The following SIRT4 variants were observed in gnomAD, a reference collection of about 807,000 sequenced individuals.
The protein encoded by SIRT4 is NAD-dependent protein lipoamidase sirtuin-4, mitochondrial.
A neutral mutation model predicts 26.1 loss-of-function variants in SIRT4; 23 were observed. The ratio of observed to expected loss-of-function variants is 0.88; its 90% CI spans 0.63 to 1.25. The LOEUF (loss-of-function observed/expected upper bound fraction) is 1.25, where lower values mean the gene tolerates loss of function less well. SIRT4 is among the 50% of genes most tolerant of loss of function. The pLI is 0.00. For synonymous variants in SIRT4, 155 were observed against 158.4 expected, an observed-to-expected ratio of 0.98 and a Z score of 0.16; for missense variants, 361 against 405.4, an observed-to-expected ratio of 0.89 and a Z score of 0.94.
the SIRT4 span, among the ~76,000 whole-genome samples, chr12:120,294,503 C>T: frequency 2.0e-5 from 3 of 151,966 alleles, no homozygotes; most frequent in Admixed American, 6.6e-5. Flanking sequence ...GTGATCCACC[C>T]GCCTTGGTTT....
intron 1 of SIRT4, 40 bp from the exon 2 acceptor site, chr12:120,303,521 A>C (rs1311937602): frequency 6.5e-7 from 1 of 1,542,024 alleles, no homozygotes; most frequent in Non-Finnish European, 8.7e-7. Flanking sequence ...AAAAAAAAAA[A>C]ACCACCCCAG....
chr12:120,295,276 G>A, the SIRT4 span, among the ~76,000 whole-genome samples: 1 of 145,036 alleles, frequency 6.9e-6, no homozygotes, highest in South Asian at 2.2e-4. Context: ...CTGCAAAGGC[G>A]CAATCTCAGC....
chr12:120,308,120 G>C (rs1434993106), intron 2 of SIRT4, among the ~76,000 whole-genome samples: 1 of 149,098 alleles, frequency 6.7e-6, no homozygotes, highest in African/African-American at 2.5e-5. Context: ...ATCTTCCAAA[G>C]TGTTGGGATT....
chr12:120,298,196 CAA>C (rs56752571), upstream of SIRT4, among the ~76,000 whole-genome samples: 39 of 21,072 alleles, frequency 1.9e-3, no homozygotes, highest in African/African-American at 5.2e-3. Context: ...AACTCCATCT[CAA>C]AAAAAAAAAA....
At chr12:120,300,807 C>T (rs756574298), upstream of SIRT4, among the ~76,000 whole-genome samples, 1 of 152,210 alleles carries the variant, frequency 6.6e-6, no homozygotes, top group Non-Finnish European at 1.5e-5. Flanking sequence ...CCCTGCTGGC[C>T]GCCCACCTTT....
chr12:120,296,497 GTTTTGTGTTTTTTT>G, the SIRT4 span, among the ~76,000 whole-genome samples: 1,596 of 141,202 alleles, frequency 0.011, 26 homozygotes, highest in African/African-American at 0.038. Flanking sequence ...TTTCTAACTT[GTTTTGTGTTTTTTT>G]TTTTGTTTTT....
chr12:120,300,118 C>T (rs186636887), upstream of SIRT4, among the ~76,000 whole-genome samples: 23 of 151,912 alleles, frequency 1.5e-4, 1 homozygote, highest in Admixed American at 1.4e-3. Context: ...GACCGTGTCT[C>T]GACAAAAATA....
At chr12:120,301,024 A>G (rs1471307261), upstream of SIRT4, among the ~76,000 whole-genome samples, 1 of 152,198 alleles carries the variant, frequency 6.6e-6, no homozygotes, top group Non-Finnish European at 1.5e-5. Flanking sequence ...GTCCAGGTAT[A>G]ATATATTTGG....
At chr12:120,297,892 G>A (rs1488287225), upstream of SIRT4, among the ~76,000 whole-genome samples, 1 of 152,024 alleles carries the variant, frequency 6.6e-6, no homozygotes, top group Non-Finnish European at 1.5e-5. Flanking sequence ...AATTTTGGGG[G>A]GGATTATAAT....
the SIRT4 span, among the ~76,000 whole-genome samples, chr12:120,294,970 AC>A: frequency 2.0e-4 from 30 of 150,584 alleles, no homozygotes; most frequent in Admixed American, 5.3e-4. Flanking sequence ...AACTGGGATT[AC>A]AGGTGCGTGC....
intron 2 of SIRT4, among the ~76,000 whole-genome samples, chr12:120,304,802 T>TA (rs1872674628): frequency 1.0e-4 from 4 of 38,238 alleles, no homozygotes; most frequent in Non-Finnish European, 2.0e-4. Flanking sequence ...TAAAGTAAAT[T>TA]TTATATATAT....
At position 120,312,623 on chromosome 12, in the gene SIRT4, A is replaced by G. The variant is rs774389481; in HGVS notation, c.665A>G (p.Gln222Arg). Reference protein sequence around the residue: ...VRSFQVPTCVQCGGHLKPDVV... With the variant: ...VRSFQVPTCVRCGGHLKPDVV... ...AGCTTTCAGGTCCCAACCTGCGTTCAATGTGGAGGCCATCTGAAACCAGAT... is the reference window on the plus strand; with the variant it reads ...AGCTTTCAGGTCCCAACCTGCGTTCGATGTGGAGGCCATCTGAAACCAGAT... The change falls in exon 3 of 4, where the codon CAA (glutamine) becomes CGA (arginine). Residue 222 changes from glutamine (Q) to arginine (R), a missense_variant. Physicochemically the swap from Gln to Arg is conservative, Grantham distance 43. Coordinates refer to ENST00000202967, the MANE Select transcript of SIRT4 (RefSeq NM_012240.3). The G allele has an allele frequency of 1.2e-6, 2 of 1,613,992 alleles. No homozygotes were observed. The highest frequency in any genetic ancestry group is 1.3e-5 in the African/African-American group (1 of 74,906).
At chr12:120,292,754 A>G in the SIRT4 span, among the ~76,000 whole-genome samples, 2 of 150,930 alleles carry the variant, frequency 1.3e-5, no homozygotes, top group Non-Finnish European at 2.9e-5. Flanking sequence ...CAAAGTTTGC[A>G]GCGAGCCGAG....
chr12:120,294,894 C>G, the SIRT4 span, among the ~76,000 whole-genome samples: 1 of 149,156 alleles, frequency 6.7e-6, no homozygotes, highest in Non-Finnish European at 1.5e-5. Flanking sequence ...TAGACTCAAT[C>G]TCAGCCCATG....
chr12:120,297,341 AGAG>A (rs1434732010), upstream of SIRT4, among the ~76,000 whole-genome samples: 1 of 123,464 alleles, frequency 8.1e-6, no homozygotes, highest in Non-Finnish European at 1.7e-5. Flanking sequence ...AAAAAAAAAA[AGAG>A]AGAGAGAAAA....
chr12:120,293,063 A>T, the SIRT4 span: 1 of 130,822 alleles, frequency 7.6e-6, no homozygotes, highest in South Asian at 3.0e-4. Flanking sequence ...ACACACAAAA[A>T]AAGCCTCTGT....
At chr12:120,306,479 T>TC (rs1460226794) in intron 2 of SIRT4, among the ~76,000 whole-genome samples, 1 of 124,884 alleles carries the variant, frequency 8.0e-6, no homozygotes, top group Non-Finnish European at 1.7e-5. Context: ...CAAAACTCCG[T>TC]CAAAAAAAAA....
rs1872631720 is a variant in SIRT4, at chr12:120,303,758, C to G, written c.197C>G (p.Ser66Cys). The G allele has an allele frequency of 6.2e-7, 1 of 1,614,114 alleles. No homozygotes were observed. Among genetic ancestry groups the G allele is most frequent in the East Asian group, 2.2e-5 (1 of 44,888 alleles). The stretch of plus-strand genomic sequence containing the variant: ...CTTGTGATGACTGGGGCAGGAATCT[C>G]CACCGAATCGGGGATACCAGACTAC... ...RLLVMTGAGI[S>C]TESGIPDYRS... The change falls in exon 2 of 4, where the codon TCC becomes TGC. Residue 66 changes from serine to cysteine, a missense_variant. Transcript: ENST00000202967.
At chr12:120,308,398 C>G (rs1378965485) in intron 2 of SIRT4, among the ~76,000 whole-genome samples, 4 of 152,012 alleles carry the variant, frequency 2.6e-5, no homozygotes, top group African/African-American at 9.7e-5. Flanking sequence ...CTCGAACTCA[C>G]TCCTGACCTC....
Sources: allele counts gnomAD v4.1 joint callset (sites outside exome capture counted in the v4.1 genomes callset), GRCh38; gene constraint gnomAD v4.1.1; transcripts MANE v1.5; gene names NCBI Gene and HGNC (gene_info 2026-07-23, HGNC 2026-07-21).